The following PTN variants were observed in gnomAD, a reference collection of about 807,000 sequenced individuals.
PTN encodes the protein pleiotrophin.
A neutral mutation model predicts 24.1 loss-of-function variants in PTN; 18 were observed. That is an observed-to-expected ratio of 0.75 (90% CI 0.52 to 1.11). The LOEUF is 1.11. PTN is among the 50% of genes least tolerant of loss of function. The pLI is 0.00. For missense variants in PTN, 163 were observed against 198.8 expected (o/e 0.82, Z 1.08); for synonymous variants, 78 against 68.6 (o/e 1.14, Z -0.67).
intron 4 of PTN, among the ~76,000 whole-genome samples, chr7:137,250,440 C>T (rs1232499421): frequency 6.6e-6 from 1 of 152,132 alleles, no homozygotes; most frequent in Non-Finnish European, 1.5e-5. Flanking sequence ...TAGGGCCTAC[C>T]CTTGTGACTG....
chr7:137,249,318 G>A (rs1299905615), intron 4 of PTN, among the ~76,000 whole-genome samples: 1 of 149,936 alleles, frequency 6.7e-6, no homozygotes, highest in East Asian at 2.0e-4. Flanking sequence ...ACATGTGTAT[G>A]CATGTGTGTG....
chr7:137,227,891 T>C lies in PTN; in HGVS notation c.*129A>G, dbSNP rs1808360745. On this transcript the variant is annotated 3_prime_UTR_variant, in exon 5 of 5. Coordinates refer to ENST00000348225, the MANE Select transcript of PTN (RefSeq NM_002825.7). Reference sequence around the variant, plus strand: ...CGCTACTACAAAAATTTTCTTTTCTTTTTGTTTTTGCTTATTGTGTACTTA... The same window carrying C: ...CGCTACTACAAAAATTTTCTTTTCTCTTTGTTTTTGCTTATTGTGTACTTA... 1 of 1,318,994 alleles carries C rather than the reference T, an allele frequency of 7.6e-7. No homozygotes were observed. Among genetic ancestry groups the C allele is most frequent in the Non-Finnish European group, 1.0e-6 (1 of 992,020 alleles). 81.7% of individuals were successfully genotyped at this position (1,318,994 alleles called of 1,614,324 possible).
chr7:137,308,954 T>C (rs1809933880), intron 1 of PTN, among the ~76,000 whole-genome samples: 1 of 152,142 alleles, frequency 6.6e-6, no homozygotes, highest in Non-Finnish European at 1.5e-5. Flanking sequence ...AAATGACCAT[T>C]TGATGTTGGG....
At chr7:137,330,423 C>T (rs1810332979) in intron 1 of PTN, among the ~76,000 whole-genome samples, 1 of 152,144 alleles carries the variant, frequency 6.6e-6, no homozygotes, top group African/African-American at 2.4e-5. Context: ...GAACATCACA[C>T]ATTACAGCAA....
At chr7:137,342,296 CGCACAT>C (rs1810546356) in intron 1 of PTN, among the ~76,000 whole-genome samples, 1 of 151,830 alleles carries the variant, frequency 6.6e-6, no homozygotes, top group Non-Finnish European at 1.5e-5. Flanking sequence ...CACACACACA[CGCACAT>C]GCACACGCAC....
At chr7:137,308,657 A>G (rs546614532) in intron 1 of PTN, among the ~76,000 whole-genome samples, 6 of 152,234 alleles carry the variant, frequency 3.9e-5, no homozygotes, top group African/African-American at 1.4e-4. Context: ...GTGAGGATTA[A>G]GCCTTTATGG....
chr7:137,316,624 C>T (rs563766096), intron 1 of PTN, among the ~76,000 whole-genome samples: 9 of 152,206 alleles, frequency 5.9e-5, no homozygotes, highest in Admixed American at 2.0e-4. Context: ...AGCAGAGGAT[C>T]GAGCCGTCCC....
At chr7:137,304,557 G>A (rs13245564) in intron 1 of PTN, among the ~76,000 whole-genome samples, 55,529 of 151,820 alleles carry the variant, frequency 0.37, 11,073 homozygotes, top group South Asian at 0.48. Context: ...AACAGGGAGG[G>A]CAAAAAAGAA....
chr7:137,292,073 C>T (rs1371323480), intron 1 of PTN, among the ~76,000 whole-genome samples: 1 of 152,098 alleles, frequency 6.6e-6, no homozygotes, highest in Non-Finnish European at 1.5e-5. Flanking sequence ...CTGCCCTGAA[C>T]CAATAAAAAT....
At chr7:137,312,964 A>G (rs1810007999) in intron 1 of PTN, among the ~76,000 whole-genome samples, 1 of 152,202 alleles carries the variant, frequency 6.6e-6, no homozygotes, top group Non-Finnish European at 1.5e-5. Context: ...GTGATATTTA[A>G]TATTTTATGT....
chr7:137,240,927 C>G (rs1808617263), intron 4 of PTN, among the ~76,000 whole-genome samples: 1 of 152,158 alleles, frequency 6.6e-6, no homozygotes, highest in African/African-American at 2.4e-5. Context: ...AGTTCATTTT[C>G]ACACTGCTAT....
chr7:137,300,134 G>A (rs1205248940), intron 1 of PTN, among the ~76,000 whole-genome samples: 1 of 151,700 alleles, frequency 6.6e-6, no homozygotes, highest in Non-Finnish European at 1.5e-5. Context: ...TGAACAGGTA[G>A]ATGGATAGAA....
At chr7:137,331,383 C>T (rs1412802826) in intron 1 of PTN, among the ~76,000 whole-genome samples, 1 of 152,114 alleles carries the variant, frequency 6.6e-6, no homozygotes, top group East Asian at 1.9e-4. Context: ...AGACTAAAGC[C>T]GCAATTTAAA....
intron 1 of PTN, among the ~76,000 whole-genome samples, chr7:137,333,726 A>G (rs1810398734): frequency 6.6e-6 from 1 of 152,234 alleles, no homozygotes; most frequent in Admixed American, 6.5e-5. Context: ...AAGAGCCTGC[A>G]TCGCCAAGTC....
At chr7:137,312,362 A>C (rs1361167153) in intron 1 of PTN, among the ~76,000 whole-genome samples, 1 of 152,224 alleles carries the variant, frequency 6.6e-6, no homozygotes, top group Non-Finnish European at 1.5e-5. Context: ...GACAGAGAGC[A>C]GGTAAATGAG....
At chr7:137,232,752 G>A (rs1334579629) in intron 4 of PTN, among the ~76,000 whole-genome samples, 2 of 151,982 alleles carry the variant, frequency 1.3e-5, no homozygotes, top group South Asian at 2.1e-4. Flanking sequence ...TAATCCCCAT[G>A]TGTCAAGGGC....
At chr7:137,304,035 A>G (rs542708477) in intron 1 of PTN, among the ~76,000 whole-genome samples, 15 of 152,024 alleles carry the variant, frequency 9.9e-5, no homozygotes, top group South Asian at 4.1e-4. Context: ...AGACTGCACA[A>G]TGTACTTCAA....
At chr7:137,339,725 T>C (rs528305747) in intron 1 of PTN, among the ~76,000 whole-genome samples, 1 of 152,178 alleles carries the variant, frequency 6.6e-6, no homozygotes, top group South Asian at 2.1e-4. Context: ...TATGCCATCA[T>C]AGCAAGAGGG....
chr7:137,241,973 C>T (rs1194422820), intron 4 of PTN, among the ~76,000 whole-genome samples: 1 of 152,148 alleles, frequency 6.6e-6, no homozygotes, highest in African/African-American at 2.4e-5. Context: ...AAAAGTCTCC[C>T]AGCCTAGCAA....
Sources: allele counts gnomAD v4.1 joint callset (sites outside exome capture counted in the v4.1 genomes callset), GRCh38; gene constraint gnomAD v4.1.1; transcripts MANE v1.5; gene names NCBI Gene and HGNC (gene_info 2026-07-23, HGNC 2026-07-21).